CLASP1: variants seen among roughly 807,000 people sequenced by gnomAD.
The protein encoded by CLASP1 is cytoplasmic linker associated protein 1, also known as CLIP-associating protein 1.
A neutral mutation model predicts 192.3 loss-of-function variants in CLASP1; 38 were observed. That is an observed-to-expected ratio of 0.20 (90% confidence interval 0.15 to 0.26). The LOEUF is 0.26. Among genes scored for constraint, CLASP1 ranks in the 10% least tolerant of loss-of-function variants. The probability of loss-of-function intolerance (pLI) is 1.00; values close to 1 mark genes in which losing one functional copy is unlikely to be tolerated. For synonymous variants in CLASP1, 691 were observed against 712.8 expected, an observed-to-expected ratio of 0.97 and a Z score of 0.49; for missense variants, 1,433 against 1,932.5, an observed-to-expected ratio of 0.74 and a Z score of 4.85.
chr2:121,344,620 G>A (rs999786508), intron 39 of CLASP1, among the ~76,000 whole-genome samples: 4 of 151,990 alleles, frequency 2.6e-5, no homozygotes, highest in Admixed American at 6.6e-5. Context: ...TATGAGCCGT[G>A]CCCAGCCTTC....
At chr2:121,464,671 T>C (rs1296626860) in intron 9 of CLASP1, among the ~76,000 whole-genome samples, 1 of 152,228 alleles carries the variant, frequency 6.6e-6, no homozygotes, top group African/African-American at 2.4e-5. Context: ...GTTCATGTCC[T>C]TCACCCACTT....
At chr2:121,442,902 C>T (rs1034745469) in intron 19 of CLASP1, among the ~76,000 whole-genome samples, 1 of 152,094 alleles carries the variant, frequency 6.6e-6, no homozygotes, top group Non-Finnish European at 1.5e-5. Flanking sequence ...TCCAAAAATG[C>T]AGGTGGAAAA....
chr2:121,401,738 A>C, intron 27 of CLASP1, 66 bp from the exon 29 acceptor site: 1 of 1,395,562 alleles, frequency 7.2e-7, no homozygotes, highest in Non-Finnish European at 1.0e-6. Context: ...AGTCTACAAA[A>C]CATTAAAAAT....
intron 15 of CLASP1, 52 bp downstream of exon 15, chr2:121,451,738 C>T: frequency 1.4e-6 from 2 of 1,421,470 alleles, no homozygotes; most frequent in Non-Finnish European, 1.9e-6. Context: ...CCAAAGCATT[C>T]ACTCTAAAGG....
intron 19 of CLASP1, among the ~76,000 whole-genome samples, chr2:121,434,320 G>T (rs72829002): frequency 6.6e-6 from 1 of 152,062 alleles, no homozygotes; most frequent in Admixed American, 6.5e-5. Context: ...GGAATGGTGC[G>T]ATCACAGCTC....
At chr2:121,353,106 G>A (rs2149165182) in intron 37 of CLASP1, among the ~76,000 whole-genome samples, 1 of 152,248 alleles carries the variant, frequency 6.6e-6, no homozygotes, top group South Asian at 2.1e-4. Context: ...GTGCTGGGTG[G>A]ATCACTTGAG....
chr2:121,486,810 C>A (rs2093005605), intron 8 of CLASP1, among the ~76,000 whole-genome samples: 1 of 152,136 alleles, frequency 6.6e-6, no homozygotes, highest in Non-Finnish European at 1.5e-5. Context: ...TCTCCAGAAC[C>A]CTCTTTAGCT....
At chr2:121,556,548 A>G (rs1220850765) in intron 2 of CLASP1, among the ~76,000 whole-genome samples, 3 of 152,116 alleles carry the variant, frequency 2.0e-5, no homozygotes, top group Non-Finnish European at 4.4e-5. Context: ...TCCCCAAGAT[A>G]CCTACCTAGC....
chr2:121,376,205 T>C (rs1427254793), intron 34 of CLASP1, among the ~76,000 whole-genome samples: 2 of 152,170 alleles, frequency 1.3e-5, no homozygotes, highest in African/African-American at 4.8e-5. Context: ...GAAATCAGTA[T>C]ATCAAAGAGA....
intron 7 of CLASP1, among the ~76,000 whole-genome samples, chr2:121,509,090 G>A (rs531731076): frequency 6.6e-6 from 1 of 152,282 alleles, no homozygotes; most frequent in South Asian, 2.1e-4. Flanking sequence ...ACCAGAAAGA[G>A]GATCAACCAG....
At chr2:121,344,125 G>T (rs1422959219) in intron 39 of CLASP1, among the ~76,000 whole-genome samples, 1 of 151,784 alleles carries the variant, frequency 6.6e-6, no homozygotes, top group Non-Finnish European at 1.5e-5. Flanking sequence ...AAAGACTGGA[G>T]GGGGGGAAAA....
At position 121,530,987 on chromosome 2, in the gene CLASP1, T is replaced by TTTGGTGC. The variant is rs1293420087; in HGVS notation, c.196-669_196-663dup. The TTTGGTGC allele has an allele frequency of 1.4e-6, 1 of 700,212 alleles. No homozygotes were observed. The highest frequency in any genetic ancestry group is 1.7e-5 in the African/African-American group (1 of 57,170). 43.4% of individuals were successfully genotyped at this position (700,212 alleles called of 1,614,324 possible). Reference sequence around the variant, plus strand: ...GCATCAACTAGAGCTTTTGCTTTATTTTGGTGCAATTTTTGGAAAAATGAA... The same window carrying TTTGGTGC: ...GCATCAACTAGAGCTTTTGCTTTATTTTGGTGCTTGGTGCAATTTTTGGAAAAATGAA... On this transcript the variant is annotated intron_variant, in intron 2 of 39. Transcript: ENST00000263710.
At position 121,488,568 on chromosome 2, in the gene CLASP1, C is replaced by T. The variant is rs181091212; in HGVS notation, c.712+14599G>A. Among the ~76,000 whole-genome samples, 473 of 152,294 alleles carry T rather than the reference C, an allele frequency of 3.1e-3. 3 individuals carry two copies. The highest frequency in any genetic ancestry group is 0.011 in the African/African-American group (444 of 41,564). On this transcript the variant is annotated intron_variant, in intron 8 of 39. Transcript: ENST00000263710. The stretch of plus-strand genomic sequence containing the variant: ...TAAGACAGCAAAAACTAGGGCTCTC[C>T]CCTGTCCTGCAACTAACCCAATTAT...
intron 2 of CLASP1, chr2:121,530,585 T>C (rs1462602121): frequency 3.8e-6 from 2 of 532,418 alleles, no homozygotes; most frequent in African/African-American, 1.9e-5. Flanking sequence ...CCGGGTTAGC[T>C]GCGGGTGGAG....
intron 2 of CLASP1, among the ~76,000 whole-genome samples, chr2:121,592,824 T>G (rs963711204): frequency 6.6e-6 from 1 of 152,212 alleles, no homozygotes; most frequent in African/African-American, 2.4e-5. Flanking sequence ...GGCTAATTTT[T>G]TGTATTTTTA....
At chr2:121,516,601 T>C (rs1044994693) in intron 6 of CLASP1, among the ~76,000 whole-genome samples, 2 of 152,230 alleles carry the variant, frequency 1.3e-5, no homozygotes, top group Non-Finnish European at 2.9e-5. Flanking sequence ...CTGGGGAAAT[T>C]TGAATACGGA....
At chr2:121,448,241 G>A (rs545256793) in intron 18 of CLASP1, 35 bp downstream of exon 18, 23 of 1,594,350 alleles carry the variant, frequency 1.4e-5, no homozygotes, top group East Asian at 6.7e-5. Flanking sequence ...CCACCAGAGC[G>A]GAGAACAGGC....
chr2:121,359,641 G>A lies in CLASP1; in HGVS notation c.4206+3531C>T, dbSNP rs141352336. 2.1e-3 allele frequency among the ~76,000 whole-genome samples: 324 copies of A among 152,126 alleles called. 1 individual carries two copies. Among genetic ancestry groups the A allele is most frequent in the African/African-American group, 7.4e-3 (309 of 41,480 alleles). The stretch of plus-strand genomic sequence containing the variant: ...AAATGCCAACTCTACTGCAAACCAC[G>A]GTAACTTCATTAATGAGGCACTGAA... On this transcript the variant is annotated intron_variant, in intron 37 of 39. Transcript: ENST00000263710.
chr2:121,539,705 A>G (rs2095185945), intron 2 of CLASP1, among the ~76,000 whole-genome samples: 1 of 152,230 alleles, frequency 6.6e-6, no homozygotes, highest in South Asian at 2.1e-4. Context: ...ACGCTAGAAG[A>G]AGATATTACA....
Sources: allele counts gnomAD v4.1 joint callset (sites outside exome capture counted in the v4.1 genomes callset), GRCh38; gene constraint gnomAD v4.1.1; transcripts MANE v1.5; gene names NCBI Gene and HGNC (gene_info 2026-07-23, HGNC 2026-07-21).